Variants in ANXA6 observed in about 807,000 individuals in gnomAD.
ANXA6 encodes annexin A6, also known as 67 kDa calelectrin.
A neutral mutation model predicts 95.4 loss-of-function variants in ANXA6; 71 were observed. The ratio of observed to expected loss-of-function variants is 0.74; its 90% confidence interval spans 0.61 to 0.91. The LOEUF is 0.91. Ranked by LOEUF, ANXA6 falls within the 40% of genes least tolerant of loss-of-function variation. ANXA6 has a pLI of 0.00. For synonymous variants in ANXA6, 289 were observed against 315.9 expected, an observed-to-expected ratio of 0.91 and a Z score of 0.90; for missense variants, 830 against 876.4, an observed-to-expected ratio of 0.95 and a Z score of 0.67.
chr5:151,129,645 A>G, intron 11 of ANXA6, 116 bp from the exon 12 acceptor site: 1 of 1,223,902 alleles, frequency 8.2e-7, no homozygotes, highest in South Asian at 1.5e-5. Flanking sequence ...TTAGAGCAAA[A>G]GAAGCAGACA....
chr5:151,137,795 G>T (rs1384349740), intron 5 of ANXA6, among the ~76,000 whole-genome samples: 1 of 152,174 alleles, frequency 6.6e-6, no homozygotes, highest in Non-Finnish European at 1.5e-5. Flanking sequence ...AAGCCACAAT[G>T]CTTCCTGTTC....
chr5:151,140,091 G>GCT, intron 3 of ANXA6, 62 bp downstream of exon 3: 1 of 1,489,752 alleles, frequency 6.7e-7, no homozygotes, highest in Non-Finnish European at 9.3e-7. Flanking sequence ...CACCAGAAGG[G>GCT]CTCTGGGCTG....
At chr5:151,112,598 A>G (rs919680456) in intron 20 of ANXA6, among the ~76,000 whole-genome samples, 3 of 152,236 alleles carry the variant, frequency 2.0e-5, no homozygotes, top group Non-Finnish European at 2.9e-5. Flanking sequence ...TTGGGAAGCC[A>G]AGGTGGGAGG....
At chr5:151,111,724 GA>G (rs1235190482) in intron 20 of ANXA6, among the ~76,000 whole-genome samples, 2 of 152,210 alleles carry the variant, frequency 1.3e-5, no homozygotes, top group Non-Finnish European at 2.9e-5. Context: ...GAGTAGCTGG[GA>G]CTACAGGTGT....
chr5:151,109,733 GGGA>G lies in ANXA6; in HGVS notation c.1684+17_1684+19del, dbSNP rs750134392. ...TGGGATCTTCCTGCTGAGCTGGGAAGGGAGGAGGTCAGGCCTCACCTCTCCGGA... is the reference window on the plus strand; with the variant it reads ...TGGGATCTTCCTGCTGAGCTGGGAAGGGAGGTCAGGCCTCACCTCTCCGGA... On this transcript the variant is annotated intron_variant, in intron 22 of 25. Coordinates refer to ENST00000354546, the MANE Select transcript of ANXA6 (RefSeq NM_001155.5). The G allele has an allele frequency of 6.4e-5, 101 of 1,577,922 alleles. No homozygotes were observed. In the Middle Eastern group the frequency reaches 1.2e-3, roughly 19 times the overall value.
At chr5:151,133,409 C>T (rs34820236) in intron 8 of ANXA6, 398,924 of 520,874 alleles carry the variant, frequency 0.77, 153,773 homozygotes, top group East Asian at 0.9. Context: ...ATAGAGCACT[C>T]GCACACACCT....
Position 151,103,669 on chromosome 5 carries a change from A to T in ANXA6, c.1863T>A (p.Thr621=). The change falls in exon 25 of 26, where the codon ACT becomes ACA. Residue 621 remains threonine (T), a synonymous_variant. Transcript: ENST00000354546. Reference sequence around the variant, plus strand: ...TGCGGGATACCATGATCCTGGTCAGAGTCTTCTCATCTGTGCCAGCACCCT... The same window carrying T: ...TGCGGGATACCATGATCCTGGTCAGTGTCTTCTCATCTGTGCCAGCACCCT... ...SMKGAGTDEK[T]LTRIMVSRSE... 6.2e-7 allele frequency: 1 copy of T among 1,610,968 alleles called. No individual in the cohort carries two copies. Among genetic ancestry groups the T allele is most frequent in the Non-Finnish European group, 8.5e-7 (1 of 1,178,626 alleles).
At chr5:151,148,206 C>T (rs1274178754) in intron 1 of ANXA6, among the ~76,000 whole-genome samples, 1 of 152,126 alleles carries the variant, frequency 6.6e-6, no homozygotes, top group Non-Finnish European at 1.5e-5. Flanking sequence ...CTCCTCCACA[C>T]TAGGCAGGGT....
chr5:151,155,819 T>G (rs961655207), intron 1 of ANXA6: 1 of 152,484 alleles, frequency 6.6e-6, no homozygotes, highest in Non-Finnish European at 1.5e-5. Context: ...AGAGGGGTAG[T>G]AGGTGTGCCC....
Position 151,100,816 on chromosome 5 carries a change from G to C in ANXA6, c.*632C>G. On this transcript the variant is annotated 3_prime_UTR_variant, in exon 26 of 26. Coordinates refer to ENST00000354546, the MANE Select transcript of ANXA6 (RefSeq NM_001155.5). ...AAGTTAATGTTAGAAGGGAAGCCAA[G>C]ATTTTTTTGTCCAACTGTCTCATTG... 4.5e-6 allele frequency: 2 copies of C among 449,198 alleles called. No individual in the cohort carries two copies. The highest frequency in any genetic ancestry group is 9.0e-6 in the Non-Finnish European group (2 of 221,850). The allele number at this position is 449,198 out of a possible 1,614,324, so 27.8% of individuals were successfully genotyped here.
intron 7 of ANXA6, 70 bp from the exon 8 acceptor site, chr5:151,134,553 G>A (rs375919103): frequency 2.0e-6 from 3 of 1,534,834 alleles, no homozygotes; most frequent in African/African-American, 2.7e-5. Context: ...GATGCCAGTG[G>A]TGGAGACAGG....
In ANXA6 at chr5:151,131,226, C is replaced by T. The variant is rs772675325; in HGVS notation, c.795+5G>A. On this transcript the variant is annotated splice_donor_5th_base_variant and intron_variant, in intron 11 of 25. Transcript: ENST00000354546. ...AACCCCATTCACATCAGCCCCACCACGCACCTTCATAGCCTTGAAGAGCCT... is the reference window on the plus strand; with the variant it reads ...AACCCCATTCACATCAGCCCCACCATGCACCTTCATAGCCTTGAAGAGCCT... The T allele has an allele frequency of 6.3e-5, 101 of 1,613,824 alleles. No individual in the cohort carries two copies. The highest frequency in any genetic ancestry group is 4.9e-4 in the Middle Eastern group (3 of 6,084).
intron 23 of ANXA6, 74 bp from the exon 24 acceptor site, chr5:151,105,377 C>T (rs1246301372): frequency 7.5e-7 from 1 of 1,330,494 alleles, no homozygotes; most frequent in African/African-American, 1.4e-5. Context: ...CGGCCTCCCC[C>T]ATCTCCCCAC....
intron 17 of ANXA6, among the ~76,000 whole-genome samples, chr5:151,120,297 G>A (rs1765126673): frequency 1.3e-5 from 2 of 151,864 alleles, no homozygotes; most frequent in South Asian, 4.1e-4. Context: ...AGGAGAGGAG[G>A]CAGGCAAGAT....
intron 10 of ANXA6, among the ~76,000 whole-genome samples, chr5:151,131,795 A>T (rs1561578317): frequency 6.6e-6 from 1 of 152,084 alleles, no homozygotes; most frequent in Non-Finnish European, 1.5e-5. Flanking sequence ...CATATCCCTG[A>T]CTCAGACATG....
At chr5:151,111,531 C>T (rs1325404675) in intron 20 of ANXA6, among the ~76,000 whole-genome samples, 1 of 152,196 alleles carries the variant, frequency 6.6e-6, no homozygotes, top group Admixed American at 6.5e-5. Flanking sequence ...TAGGAATTTG[C>T]CCTACAGGTA....
chr5:151,139,003 G>A (rs948595643), intron 4 of ANXA6: 101 of 603,066 alleles, frequency 1.7e-4, no homozygotes, highest in Non-Finnish European at 2.2e-4. Flanking sequence ...GCTAGCAAAC[G>A]GCTATGCAGG....
At position 151,138,737 on chromosome 5, in the gene ANXA6, C is replaced by T. The variant is rs762051718; in HGVS notation, c.259G>A (p.Val87Met). ...TAGGCAGGTGGCCTCATCAGGCCCA[C>T]AATCAACCGTTCAAACTTGCCCGTC... is the stretch of plus-strand genomic sequence containing the variant. Reference protein sequence around the residue: ...ELTGKFERLIVGLMRPPAYCD... With the variant: ...ELTGKFERLIMGLMRPPAYCD... Residue 87 changes from valine (V) to methionine (M), a missense_variant, in exon 5 of 26, where the codon GTG becomes ATG. Val to Met is a conservative substitution (Grantham distance 21, BLOSUM62 1). Coordinates refer to ENST00000354546, the MANE Select transcript of ANXA6 (RefSeq NM_001155.5). 7.4e-6 allele frequency: 12 copies of T among 1,613,852 alleles called. No individual in the cohort carries two copies. The highest frequency in any genetic ancestry group is 1.3e-5 in the African/African-American group (1 of 74,902).
rs1404050283 is a variant in ANXA6 at position 151,129,463 on chromosome 5, C to T, written c.862G>A (p.Asp288Asn). Residue 288 changes from aspartate (D) to asparagine (N), a missense_variant, in exon 12 of 26, where the codon GAC (aspartate) becomes AAC (asparagine). Coordinates refer to ENST00000354546, the MANE Select transcript of ANXA6 (RefSeq NM_001155.5). Reference protein sequence around the residue: ...MVSRSELDMLDIREIFRTKYE... With the variant: ...MVSRSELDMLNIREIFRTKYE... ...TTGGTCCGGAAGATCTCCCGAATGT[C>T]GAGCATGTCCAACTCACTACGGGAG... The T allele has an allele frequency of 2.4e-5, 39 of 1,613,090 alleles. No individual in the cohort carries two copies. The highest frequency in any genetic ancestry group is 3.1e-5 in the Non-Finnish European group (36 of 1,179,784).
Sources: gnomAD v4.1 joint callset for allele counts (sites outside exome capture counted in the v4.1 genomes callset) on GRCh38, gnomAD v4.1.1 for gene constraint, MANE v1.5 for transcripts, NCBI Gene and HGNC (gene_info 2026-07-23, HGNC 2026-07-21) for gene names.